Variants in TCERG1L observed in about 807,000 individuals in gnomAD.
The protein encoded by TCERG1L is transcription elongation regulator 1 like.
Under a neutral mutation model 56.3 loss-of-function variants are expected in TCERG1L, and 37 were observed. The ratio of observed to expected loss-of-function variants is 0.66; its 90% confidence interval spans 0.51 to 0.87. The LOEUF (loss-of-function observed/expected upper bound fraction) is 0.87. Ranked by LOEUF, TCERG1L falls within the 40% of genes least tolerant of loss-of-function variation. The pLI, the probability that TCERG1L is intolerant of heterozygous loss-of-function variation, is 0.00. For missense variants in TCERG1L, 799 were observed against 774.2 expected, an observed-to-expected ratio of 1.03 and a Z score of -0.38; for synonymous variants, 324 against 326.3, an observed-to-expected ratio of 0.99 and a Z score of 0.08.
chr10:131,143,332 C>T (rs975292897), intron 7 of TCERG1L, among the ~76,000 whole-genome samples: 1 of 152,112 alleles, frequency 6.6e-6, no homozygotes, highest in African/African-American at 2.4e-5. Context: ...CCCAGGGCTC[C>T]GGGTCCTCCT....
At chr10:131,140,175 G>A (rs1042515985) in intron 7 of TCERG1L, among the ~76,000 whole-genome samples, 5 of 152,180 alleles carry the variant, frequency 3.3e-5, no homozygotes, top group African/African-American at 1.2e-4. Context: ...TGCACCCTAC[G>A]AATACAGAGA....
intron 4 of TCERG1L, among the ~76,000 whole-genome samples, chr10:131,203,474 A>G (rs530901108): frequency 1.3e-5 from 2 of 152,162 alleles, no homozygotes; most frequent in African/African-American, 2.4e-5. Flanking sequence ...GCTGGCCCCA[A>G]TCACAGGTGC....
At chr10:131,302,114 G>A (rs1224809766) in intron 3 of TCERG1L, among the ~76,000 whole-genome samples, 1 of 151,896 alleles carries the variant, frequency 6.6e-6, no homozygotes. Context: ...ACTTTCTTGC[G>A]AGGCATAAAT....
At position 131,118,046 on chromosome 10, in the gene TCERG1L, G is replaced by C. The variant is rs916334097; in HGVS notation, c.1260-1112C>G. ...CAGACTCAACCCGCGCTGGGTTGGCGCACCCTCACTCTGACCATGCTGAGC... is the reference window on the plus strand; with the variant it reads ...CAGACTCAACCCGCGCTGGGTTGGCCCACCCTCACTCTGACCATGCTGAGC... On this transcript the variant is annotated intron_variant, in intron 8 of 11. Coordinates refer to ENST00000368642, the MANE Select transcript of TCERG1L (RefSeq NM_174937.4). This position sits in a 1 kb window ranked among gnomAD's most constrained non-coding sequence, Gnocchi z 4.2. Among the ~76,000 whole-genome samples, 1 of 152,092 alleles carries C rather than the reference G, an allele frequency of 6.6e-6. No homozygotes were observed. Among genetic ancestry groups the C allele is most frequent in the African/African-American group, 2.4e-5 (1 of 41,418 alleles).
intron 9 of TCERG1L, among the ~76,000 whole-genome samples, chr10:131,108,917 C>G (rs1057297286): frequency 1.3e-5 from 2 of 152,216 alleles, no homozygotes; most frequent in Admixed American, 1.3e-4. Context: ...GCCCCAGGGC[C>G]CCCACAGTGG....
At chr10:131,217,914 C>T (rs989520064) in intron 4 of TCERG1L, among the ~76,000 whole-genome samples, 4 of 151,880 alleles carry the variant, frequency 2.6e-5, no homozygotes, top group Admixed American at 1.3e-4. Flanking sequence ...TTAGTACAGA[C>T]GAGGTTTCAC....
intron 4 of TCERG1L, among the ~76,000 whole-genome samples, chr10:131,198,673 A>C (rs761870096): frequency 6.6e-6 from 1 of 152,188 alleles, no homozygotes; most frequent in African/African-American, 2.4e-5. Flanking sequence ...TGGCCCTCCC[A>C]GGCTGATGCT....
chr10:131,164,848 C>A (rs1846014685), intron 5 of TCERG1L, among the ~76,000 whole-genome samples: 1 of 152,120 alleles, frequency 6.6e-6, no homozygotes, highest in African/African-American at 2.4e-5. Flanking sequence ...TAAATGAAGT[C>A]AATGCTCCAA....
chr10:131,209,057 C>A (rs373464245), intron 4 of TCERG1L, among the ~76,000 whole-genome samples: 2,814 of 127,298 alleles, frequency 0.022, 1 homozygote, highest in Middle Eastern at 0.024. Context: ...GACTCTGTCT[C>A]AAAAAAAAAA....
intron 4 of TCERG1L, among the ~76,000 whole-genome samples, chr10:131,181,951 A>G (rs1458673702): frequency 6.6e-6 from 1 of 152,220 alleles, no homozygotes; most frequent in Non-Finnish European, 1.5e-5. Context: ...CAAATCACCA[A>G]ACAGAAATCA....
At chr10:131,162,338 CA>C (rs1467101846) in intron 6 of TCERG1L, 2 of 152,256 alleles carry the variant, frequency 1.3e-5, no homozygotes, top group African/African-American at 2.4e-5. Context: ...GCATAGAAGC[CA>C]GGGGTGCCAG....
chr10:131,231,215 A>G (rs1248677897), intron 4 of TCERG1L, among the ~76,000 whole-genome samples: 2 of 152,198 alleles, frequency 1.3e-5, no homozygotes, highest in African/African-American at 4.8e-5. Context: ...CACGGCGGAC[A>G]CTGAGGGTTG....
chr10:131,225,500 T>C (rs1214733995), intron 4 of TCERG1L, among the ~76,000 whole-genome samples: 2 of 152,144 alleles, frequency 1.3e-5, no homozygotes, highest in African/African-American at 4.8e-5. Context: ...GCTCTCCCGA[T>C]GCCTCCGTGG....
chr10:131,264,252 C>T (rs1380748001), intron 3 of TCERG1L, among the ~76,000 whole-genome samples: 3 of 152,174 alleles, frequency 2.0e-5, no homozygotes, highest in Non-Finnish European at 4.4e-5. Context: ...ACTGGGGCAA[C>T]ACACCCTGCC....
intron 4 of TCERG1L, among the ~76,000 whole-genome samples, chr10:131,178,961 T>A (rs1336097505): frequency 6.6e-6 from 1 of 152,212 alleles, no homozygotes. Context: ...GCTCGTGCGG[T>A]CCCTCAGGGA....
intron 8 of TCERG1L, among the ~76,000 whole-genome samples, chr10:131,130,557 A>G (rs939036078): frequency 6.6e-6 from 1 of 151,940 alleles, no homozygotes; most frequent in Non-Finnish European, 1.5e-5. Flanking sequence ...ATCTGCTCTG[A>G]CCCTCTCTTC....
intron 4 of TCERG1L, among the ~76,000 whole-genome samples, chr10:131,252,928 C>T (rs943201688): frequency 6.6e-6 from 1 of 152,180 alleles, no homozygotes; most frequent in Non-Finnish European, 1.5e-5. Context: ...TATCTCCCCA[C>T]CCTCCTTCCA....
At chr10:131,277,632 G>C (rs1420759732) in intron 3 of TCERG1L, among the ~76,000 whole-genome samples, 1 of 152,208 alleles carries the variant, frequency 6.6e-6, no homozygotes, top group Admixed American at 6.5e-5. Context: ...AGCAGACCAG[G>C]GACAAGCTAA....
intron 3 of TCERG1L, among the ~76,000 whole-genome samples, chr10:131,287,033 G>C (rs1846553475): frequency 6.6e-6 from 1 of 152,114 alleles, no homozygotes; most frequent in South Asian, 2.1e-4. Flanking sequence ...ATAATGTTCT[G>C]GATATATTGA....
Sources: gnomAD v4.1 joint callset for allele counts (sites outside exome capture counted in the v4.1 genomes callset) on GRCh38, gnomAD v4.1.1 for gene constraint, Gnocchi (gnomAD v3.1) non-coding constraint, MANE v1.5 for transcripts, NCBI Gene and HGNC (gene_info 2026-07-23, HGNC 2026-07-21) for gene names.